The following ABCC6 variants were observed in gnomAD, a reference collection of about 807,000 sequenced individuals.
ABCC6 encodes ATP-binding cassette sub-family C member 6.
ABCC6 carries 126 observed loss-of-function variants against 169.5 expected under a neutral mutation model. That is an observed-to-expected ratio of 0.74 (90% confidence interval 0.64 to 0.86). The LOEUF is 0.86. ABCC6 is among the 40% of genes least tolerant of loss of function. ABCC6 has a pLI of 0.00. For missense variants in ABCC6, 1,733 were observed against 1,927.2 expected (o/e 0.90, Z 1.89); for synonymous variants, 752 against 814.7 (o/e 0.92, Z 1.31).
intron 1 of ABCC6, among the ~76,000 whole-genome samples, chr16:16,222,409 TCTCA>T (rs1157395058): frequency 6.6e-6 from 1 of 152,098 alleles, no homozygotes; most frequent in African/African-American, 2.4e-5. Context: ...AGAGACAGGG[TCTCA>T]CTCTGTTGCC....
At chr16:16,190,424 G>A in intron 11 of ABCC6, 57 bp from the exon 12 acceptor site, 1 of 1,586,076 alleles carries the variant, frequency 6.3e-7, no homozygotes, top group Non-Finnish European at 8.6e-7. Flanking sequence ...ACTCTTCCCT[G>A]CACCCTGACA....
chr16:16,183,055 G>T, intron 15 of ABCC6, 125 bp from the exon 16 acceptor site: 1 of 1,454,450 alleles, frequency 6.9e-7, no homozygotes, highest in Non-Finnish European at 9.6e-7. Flanking sequence ...CTGTGGGGCT[G>T]TTCTTTTTCC....
chr16:16,221,731 AC>A lies in ABCC6; in HGVS notation c.136del (p.Val46SerfsTer35). The A allele has an allele frequency of 6.2e-7, 1 of 1,613,734 alleles. No individual in the cohort carries two copies. Among genetic ancestry groups the A allele is most frequent in the East Asian group, 2.2e-5 (1 of 44,866 alleles). On this transcript the variant is annotated frameshift_variant, in exon 2 of 31. Transcript: ENST00000205557. LOFTEE classifies it high-confidence loss of function. ...GVWVPPMYLW[V>X]LGPIYLLFIH... Reference sequence around the variant, plus strand: ...GAAGAGGAGGTAGATGGGACCAAGGACCCAGAGGTACATGGGGGGTACCCAG... The same window carrying A: ...GAAGAGGAGGTAGATGGGACCAAGGACCAGAGGTACATGGGGGGTACCCAG...
intron 21 of ABCC6, among the ~76,000 whole-genome samples, chr16:16,170,245 T>G (rs1008573625): frequency 4.6e-5 from 7 of 151,634 alleles, no homozygotes; most frequent in African/African-American, 1.7e-4. Context: ...GGACTATAGG[T>G]TTGTACCACC....
chr16:16,202,086 G>A lies in ABCC6; in HGVS notation c.1091C>T (p.Thr364Met), dbSNP rs72653759. The change falls in exon 9 of 31, where the codon ACG becomes ATG. Residue 364 changes from threonine to methionine, a missense_variant. Thr to Met is a moderately conservative substitution (Grantham distance 81). Transcript: ENST00000205557. ...GTACATGTTCTGCTGCTCAAACAGC[G>A]TTTGCAGGCAGGCTGAGAGGAACAT... ...VLMFLSACLQTLFEQQNMYRL... is the reference protein window; with the variant it reads ...VLMFLSACLQMLFEQQNMYRL... 1.6e-5 allele frequency: 26 copies of A among 1,613,874 alleles called. No homozygotes were observed. Among genetic ancestry groups the A allele is most frequent in the East Asian group, 6.7e-5 (3 of 44,896 alleles).
Position 16,198,089 on chromosome 16 carries a change from C to T in ABCC6, c.1270G>A (p.Val424Ile), listed in dbSNP as rs747905455. 3.5e-5 allele frequency: 56 copies of T among 1,613,856 alleles called. No individual in the cohort carries two copies. Among genetic ancestry groups the T allele is most frequent in the Middle Eastern group, 3.3e-4 (2 of 6,084 alleles). ...AGCCACAGCCCGTTGAGGTAGAGGA[C>T]GCTCTCGGTCAGCCGCTGCACGTCC... is the stretch of plus-strand genomic sequence containing the variant. The part of the protein sequence containing the change: ...SVDVQRLTES[V>I]LYLNGLWLPL... The change falls in exon 10 of 31, where the codon GTC becomes ATC. Residue 424 changes from valine to isoleucine, a missense_variant. Val to Ile is a conservative substitution (Grantham distance 29). This residue lies in a region of ABCC6 where 1,601 missense variants were observed against 1,635.5 expected (regional missense o/e 0.98). Transcript: ENST00000205557.
intron 9 of ABCC6, among the ~76,000 whole-genome samples, 200 bp downstream of exon 9, chr16:16,201,801 C>T (rs1427715391): frequency 6.6e-6 from 1 of 152,150 alleles, no homozygotes; most frequent in Non-Finnish European, 1.5e-5. Flanking sequence ...GCACTCCAGC[C>T]TGGGTGACAG....
intron 13 of ABCC6, among the ~76,000 whole-genome samples, chr16:16,188,024 G>A (rs1040952141): frequency 1.3e-5 from 2 of 151,848 alleles, no homozygotes; most frequent in African/African-American, 4.8e-5. Flanking sequence ...ATGAGGTCGG[G>A]GGTTCAAGAC....
At chr16:16,169,191 T>C (rs2046977833) in intron 22 of ABCC6, among the ~76,000 whole-genome samples, 1 of 152,214 alleles carries the variant, frequency 6.6e-6, no homozygotes, top group Non-Finnish European at 1.5e-5. Context: ...ATATCACCAA[T>C]GGGAGAAACT....
Position 16,149,909 on chromosome 16 carries a change from G to A in ABCC6, c.*224C>T. On this transcript the variant is annotated 3_prime_UTR_variant, in exon 31 of 31. Coordinates refer to ENST00000205557, the MANE Select transcript of ABCC6 (RefSeq NM_001171.6). ...GTTGACATTGGCTGCAGGGTGGACA[G>A]GGCGAGATGGGCCCTGCCCGGGCAG... is the stretch of plus-strand genomic sequence containing the variant. The A allele has an allele frequency of 1.5e-6, 1 of 657,644 alleles. No homozygotes were observed. Among genetic ancestry groups the A allele is most frequent in the Non-Finnish European group, 2.7e-6 (1 of 375,262 alleles). 40.7% of individuals were successfully genotyped at this position (657,644 alleles called of 1,614,324 possible). A position where few individuals can be genotyped will look rare whatever the true frequency, so the allele number is the denominator to read the frequency against.
chr16:16,166,652 G>A (rs1340413713), intron 22 of ABCC6, among the ~76,000 whole-genome samples: 1 of 152,018 alleles, frequency 6.6e-6, no homozygotes, highest in Non-Finnish European at 1.5e-5. Context: ...GGCCAAGGCG[G>A]GTGGATCACC....
chr16:16,185,155 T>G, intron 14 of ABCC6, 121 bp from the exon 15 acceptor site: 2 of 927,226 alleles, frequency 2.2e-6, no homozygotes, highest in Non-Finnish European at 1.7e-6. Flanking sequence ...AAGAAATCTC[T>G]CCCACTGAAC....
At position 16,163,040 on chromosome 16, in the gene ABCC6, G is replaced by A. The variant is rs59030767; in HGVS notation, c.3459C>T (p.Arg1153=). Residue 1153 remains arginine (R), a synonymous_variant, in exon 24 of 31, where the codon CGC becomes CGT. Transcript: ENST00000205557. ...QAPFVAQNNA[R]VDESQRISFP... Reference sequence around the variant, plus strand: ...AACTGATCCTCTGGCTTTCATCTACGCGAGCATTGTTCTGAGCCACAAAGG... The same window carrying A: ...AACTGATCCTCTGGCTTTCATCTACACGAGCATTGTTCTGAGCCACAAAGG... The A allele has an allele frequency of 6.8e-4, 1,098 of 1,614,026 alleles. 7 individuals carry two copies. In the African/African-American group the frequency reaches 0.012, roughly 17 times the overall value.
At position 16,192,935 on chromosome 16, in the gene ABCC6, G is replaced by A. The variant is rs762711821; in HGVS notation, c.1339-13C>T. ...AGGGCCCCAGGAGCTGGGGATAGAA[G>A]GGGCAGGATGTCAGGAGATCCCGAG... On this transcript the variant is annotated splice_polypyrimidine_tract_variant and intron_variant, in intron 10 of 30. Transcript: ENST00000205557. 17 of 1,611,424 alleles carry A rather than the reference G, an allele frequency of 1.1e-5. No homozygotes were observed. Among genetic ancestry groups the A allele is most frequent in the Non-Finnish European group, 1.4e-5 (16 of 1,177,848 alleles).
At chr16:16,161,642 C>A in intron 24 of ABCC6, 78 bp from the exon 25 acceptor site, 2 of 1,590,218 alleles carry the variant, frequency 1.3e-6, no homozygotes, top group South Asian at 2.2e-5. Context: ...AAGGACTGGT[C>A]ATCACACCAG....
chr16:16,173,887 A>G (rs192349720), intron 20 of ABCC6, among the ~76,000 whole-genome samples: 5 of 152,248 alleles, frequency 3.3e-5, no homozygotes, highest in Non-Finnish European at 7.4e-5. Context: ...TTCCTACTGT[A>G]TACCATCAGA....
chr16:16,221,308 T>C, intron 2 of ABCC6: 2 of 1,352,494 alleles, frequency 1.5e-6, no homozygotes, highest in South Asian at 4.2e-5. Flanking sequence ...TTTTAAAAGG[T>C]TCATCCTAAT....
Position 16,165,793 on chromosome 16 carries a change from T to A in ABCC6, c.3136A>T (p.Asn1046Tyr). The A allele has an allele frequency of 1.9e-6, 3 of 1,613,674 alleles. No individual in the cohort carries two copies. Among genetic ancestry groups the A allele is most frequent in the Non-Finnish European group, 1.7e-6 (2 of 1,180,024 alleles). The part of the protein sequence containing the change: ...FERTPIGHLL[N>Y]RFSKETDTVD... ...GTGTCTGTCTCCTTGGAGAAGCGGT[T>A]TAGCAGGTGACCAATGGGTGTCCGC... Residue 1046 changes from asparagine (N) to tyrosine (Y), a missense_variant, in exon 23 of 31, where the codon AAC becomes TAC. By Grantham distance (143) the Asn-to-Tyr change is moderately radical. Around this residue, in one of 5 missense-constraint regions of ABCC6, gnomAD observed 1,601 missense variants for 1,635.5 expected, o/e 0.98. Transcript: ENST00000205557.
chr16:16,207,544 A>G (rs1388827341), intron 7 of ABCC6, among the ~76,000 whole-genome samples: 1 of 151,930 alleles, frequency 6.6e-6, no homozygotes, highest in Non-Finnish European at 1.5e-5. Context: ...GTGAGCCTAT[A>G]GTATCAGTCT....
Sources: gnomAD v4.1 joint callset for allele counts (sites outside exome capture counted in the v4.1 genomes callset) on GRCh38, gnomAD v4.1.1 for gene constraint, gnomAD v4.1.1 regional missense constraint, MANE v1.5 for transcripts, NCBI Gene and HGNC (gene_info 2026-07-23, HGNC 2026-07-21) for gene names.